EXT1: variants seen among roughly 807,000 people sequenced by gnomAD.
EXT1 encodes the protein exostosin-1.
EXT1 carries 20 observed loss-of-function variants against 82.5 expected under a neutral mutation model. The observed-to-expected ratio is 0.24, with a 90% confidence interval of 0.17 to 0.35. The LOEUF (loss-of-function observed/expected upper bound fraction) is 0.35, where lower values mean the gene tolerates loss of function less well. Ranked by LOEUF, EXT1 falls within the 10% of genes least tolerant of loss-of-function variation. The pLI, the probability that EXT1 is intolerant of heterozygous loss-of-function variation, is 1.00. For missense variants in EXT1, 757 were observed against 936.5 expected (o/e 0.81, Z 2.50); for synonymous variants, 348 against 350.8 (o/e 0.99, Z 0.09).
intron 1 of EXT1, among the ~76,000 whole-genome samples, chr8:117,944,211 C>G (rs938152198): frequency 3.3e-5 from 5 of 152,120 alleles, no homozygotes; most frequent in Non-Finnish European, 5.9e-5. Context: ...GCCTGGCCAA[C>G]AGGGCAAAAC....
chr8:117,975,607 C>T (rs113094270), intron 1 of EXT1, among the ~76,000 whole-genome samples: 26 of 152,294 alleles, frequency 1.7e-4, no homozygotes, highest in African/African-American at 5.5e-4. Flanking sequence ...CCACCCCCCA[C>T]TCCCTTCCTC....
At chr8:118,002,528 C>CTTTTTTTTTTT (rs60354141) in intron 1 of EXT1, among the ~76,000 whole-genome samples, 2 of 87,096 alleles carry the variant, frequency 2.3e-5, no homozygotes, top group African/African-American at 4.7e-5. Context: ...GAATATTTTT[C>CTTTTTTTTTTT]TTTTTTTTTT....
intron 1 of EXT1, among the ~76,000 whole-genome samples, chr8:118,070,069 T>C (rs758604112): frequency 6.6e-6 from 1 of 152,198 alleles, no homozygotes; most frequent in Non-Finnish European, 1.5e-5. Context: ...AAGTTTAAAG[T>C]AAACATAAAA....
intron 1 of EXT1, among the ~76,000 whole-genome samples, chr8:118,105,603 A>C (rs1271323445): frequency 1.3e-5 from 2 of 152,196 alleles, no homozygotes; most frequent in Non-Finnish European, 2.9e-5. Context: ...TCGGTGTCAG[A>C]AGACAAACTT....
In EXT1 at chr8:118,111,171, C is replaced by T. The variant is rs1817896847; in HGVS notation, c.-125G>A. 3.4e-5 allele frequency: 46 copies of T among 1,368,220 alleles called. No individual in the cohort carries two copies. Among genetic ancestry groups the T allele is most frequent in the Non-Finnish European group, 4.6e-5 (46 of 995,632 alleles). 84.8% of individuals were successfully genotyped at this position (1,368,220 alleles called of 1,614,324 possible). ...AAGACTTCAAACTCTCCGCTCCCACCTTCTCTGGATGCCTTTCCCCAAGCC... is the reference window on the plus strand; with the variant it reads ...AAGACTTCAAACTCTCCGCTCCCACTTTCTCTGGATGCCTTTCCCCAAGCC... On this transcript the variant is annotated 5_prime_UTR_variant, in exon 1 of 11. Coordinates refer to ENST00000378204, the MANE Select transcript of EXT1 (RefSeq NM_000127.3).
chr8:118,026,066 G>A (rs1430871404), intron 1 of EXT1, among the ~76,000 whole-genome samples: 1 of 152,112 alleles, frequency 6.6e-6, no homozygotes, highest in Non-Finnish European at 1.5e-5. Flanking sequence ...AGTTACAGAG[G>A]TTGGCGACCA....
chr8:117,853,020 G>A (rs756587998), intron 1 of EXT1, among the ~76,000 whole-genome samples: 2 of 152,154 alleles, frequency 1.3e-5, no homozygotes, highest in Non-Finnish European at 1.5e-5. Context: ...AAACCTAAGC[G>A]CTAAGTGTCC....
intron 1 of EXT1, among the ~76,000 whole-genome samples, chr8:117,841,518 A>G (rs1812273813): frequency 1.3e-5 from 2 of 152,170 alleles, no homozygotes; most frequent in Admixed American, 6.5e-5. Flanking sequence ...ATCACACACT[A>G]CTTAAAAGAA....
At chr8:118,059,980 A>G (rs1816857791) in intron 1 of EXT1, among the ~76,000 whole-genome samples, 1 of 152,174 alleles carries the variant, frequency 6.6e-6, no homozygotes. Context: ...TTACTGCCAC[A>G]CATAGGACCC....
chr8:118,029,324 G>A (rs138490163), intron 1 of EXT1, among the ~76,000 whole-genome samples: 2,554 of 152,248 alleles, frequency 0.017, 32 homozygotes, highest in Non-Finnish European at 0.024. Context: ...TAATTGGGAG[G>A]CTGAGGTGGG....
intron 1 of EXT1, among the ~76,000 whole-genome samples, chr8:117,989,082 T>C (rs1292777281): frequency 2.5e-5 from 3 of 120,660 alleles, no homozygotes; most frequent in African/African-American, 1.0e-4. Context: ...AAAAAAAAAC[T>C]ATTTTATTTT....
chr8:117,950,802 G>A (rs1814477289), intron 1 of EXT1, among the ~76,000 whole-genome samples: 1 of 152,108 alleles, frequency 6.6e-6, no homozygotes, highest in Non-Finnish European at 1.5e-5. Context: ...TGTTTTACTG[G>A]GTCCTAACCA....
chr8:117,985,033 C>T (rs2129775380), intron 1 of EXT1, among the ~76,000 whole-genome samples: 1 of 151,990 alleles, frequency 6.6e-6, no homozygotes, highest in African/African-American at 2.4e-5. Context: ...CTTAAGAGGT[C>T]TTTCAGATGG....
intron 1 of EXT1, among the ~76,000 whole-genome samples, chr8:117,973,876 GAAAGGAAAGGAAGGAAAGGAAAGA>G (rs1563617648): frequency 2.0e-5 from 2 of 98,070 alleles, no homozygotes; most frequent in South Asian, 3.8e-4. Context: ...GAAAGGAAAG[GAAAGGAAAGGAAGGAAAGGAAAGA>G]AAAGGAAAGG....
chr8:117,961,012 T>C (rs1309286541), intron 1 of EXT1, among the ~76,000 whole-genome samples: 1 of 152,154 alleles, frequency 6.6e-6, no homozygotes, highest in Non-Finnish European at 1.5e-5. Context: ...CATAAACTCT[T>C]TTGTGGGAAG....
rs112921557 is a variant in EXT1 at position 117,893,223 on chromosome 8, C to G, written c.963-56022G>C. Among the ~76,000 whole-genome samples the G allele has an allele frequency of 1.7e-4, 26 of 152,336 alleles. No individual in the cohort carries two copies. In the South Asian group the frequency reaches 2.3e-3, roughly 13 times the overall value. ...AACAGAAATATCCACGATATGCCAT[C>G]ATCTTCCTTTTCCAAGTGAACTCTC... On this transcript the variant is annotated intron_variant, in intron 1 of 10. Transcript: ENST00000378204.
chr8:117,908,321 G>C (rs1813579539), intron 1 of EXT1, among the ~76,000 whole-genome samples: 1 of 151,942 alleles, frequency 6.6e-6, no homozygotes, highest in Non-Finnish European at 1.5e-5. Flanking sequence ...TTTACAATAG[G>C]GTCAGACAAT....
In EXT1 at chr8:117,975,062, A is replaced by G. The variant is rs553466978; in HGVS notation, c.962+135023T>C. Among the ~76,000 whole-genome samples, 148 of 152,356 alleles carry G rather than the reference A, an allele frequency of 9.7e-4. 1 individual carries two copies. The highest frequency in any genetic ancestry group is 4.1e-3 in the Admixed American group (62 of 15,302). ...AGGAGGTTACAGACTTATTCCAACG[A>G]TAAGTGCTTTTTGCACACAAGTGGC... On this transcript the variant is annotated intron_variant, in intron 1 of 10. Coordinates refer to ENST00000378204, the MANE Select transcript of EXT1 (RefSeq NM_000127.3).
At chr8:118,091,174 G>A (rs1045231285) in intron 1 of EXT1, among the ~76,000 whole-genome samples, 6 of 152,180 alleles carry the variant, frequency 3.9e-5, no homozygotes, top group African/African-American at 2.4e-5. Flanking sequence ...GCCAAGAACC[G>A]AGGCCTATCT....
Sources: allele counts gnomAD v4.1 joint callset (sites outside exome capture counted in the v4.1 genomes callset), GRCh38; gene constraint gnomAD v4.1.1; transcripts MANE v1.5; gene names NCBI Gene and HGNC (gene_info 2026-07-23, HGNC 2026-07-21).